The following NELL1 variants were observed in gnomAD, a reference collection of about 807,000 sequenced individuals.
NELL1 encodes protein kinase C-binding protein NELL1.
A neutral mutation model predicts 107.4 loss-of-function variants in NELL1; 76 were observed. The observed-to-expected ratio is 0.71, with a 90% CI of 0.59 to 0.86. The LOEUF (loss-of-function observed/expected upper bound fraction) is 0.86, where lower values mean the gene tolerates loss of function less well. NELL1 is among the 40% of genes least tolerant of loss of function. The probability of loss-of-function intolerance (pLI) is 0.00; values close to 1 mark genes in which losing one functional copy is unlikely to be tolerated. For synonymous variants in NELL1, 353 were observed against 341.2 expected, an observed-to-expected ratio of 1.03 and a Z score of -0.38; for missense variants, 1,024 against 1,005.5, an observed-to-expected ratio of 1.02 and a Z score of -0.25.
chr11:21,527,623 A>G (rs1855887351), intron 15 of NELL1, among the ~76,000 whole-genome samples: 1 of 152,218 alleles, frequency 6.6e-6, no homozygotes, highest in Admixed American at 6.5e-5. Flanking sequence ...ACAATAGGCC[A>G]TCTGCAAACT....
chr11:21,555,755 A>G (rs1856688997), intron 16 of NELL1, among the ~76,000 whole-genome samples: 1 of 151,940 alleles, frequency 6.6e-6, no homozygotes, highest in South Asian at 2.1e-4. Context: ...CTCTTCCTTT[A>G]GTCTTTGTCT....
At chr11:21,514,612 C>G (rs1855513251) in intron 15 of NELL1, among the ~76,000 whole-genome samples, 1 of 152,120 alleles carries the variant, frequency 6.6e-6, no homozygotes, top group Non-Finnish European at 1.5e-5. Context: ...GCCAGGCATC[C>G]AGATTCTTAA....
At chr11:20,991,703 A>T (rs1045267683) in intron 12 of NELL1, among the ~76,000 whole-genome samples, 2 of 152,178 alleles carry the variant, frequency 1.3e-5, no homozygotes, top group African/African-American at 4.8e-5. Context: ...CCTGGCGCTG[A>T]TCCTGCCTGC....
intron 14 of NELL1, among the ~76,000 whole-genome samples, chr11:21,231,728 AT>A (rs1858055529): frequency 6.6e-6 from 1 of 152,192 alleles, no homozygotes. Flanking sequence ...ATGAGTTTAA[AT>A]AATGTTCCTG....
intron 13 of NELL1, among the ~76,000 whole-genome samples, chr11:21,158,408 G>A (rs1425185238): frequency 6.6e-6 from 1 of 152,190 alleles, no homozygotes; most frequent in Admixed American, 6.5e-5. Flanking sequence ...CGTAATACAA[G>A]TTGTGAGGCT....
intron 12 of NELL1, among the ~76,000 whole-genome samples, chr11:21,053,019 C>A (rs960659045): frequency 2.0e-5 from 3 of 152,088 alleles, no homozygotes; most frequent in Non-Finnish European, 1.5e-5. Context: ...TTAGACCACC[C>A]ACTGAAGCAG....
chr11:20,857,639 C>G (rs529894741), intron 4 of NELL1, among the ~76,000 whole-genome samples: 1 of 152,338 alleles, frequency 6.6e-6, no homozygotes, highest in South Asian at 2.1e-4. Flanking sequence ...ATGGGTGTTT[C>G]TGACTGCACT....
intron 15 of NELL1, among the ~76,000 whole-genome samples, chr11:21,400,305 G>A (rs1283354972): frequency 6.6e-6 from 1 of 151,816 alleles, no homozygotes; most frequent in Non-Finnish European, 1.5e-5. Context: ...AGAATTAACT[G>A]TCACAGAAGC....
intron 12 of NELL1, among the ~76,000 whole-genome samples, chr11:21,001,521 C>A (rs1292164920): frequency 2.7e-5 from 4 of 150,932 alleles, no homozygotes; most frequent in South Asian, 2.1e-4. Context: ...AGGATCTGCA[C>A]CCCCACTGGA....
At chr11:21,016,855 C>G (rs1852576910) in intron 12 of NELL1, among the ~76,000 whole-genome samples, 1 of 152,066 alleles carries the variant, frequency 6.6e-6, no homozygotes, top group Non-Finnish European at 1.5e-5. Flanking sequence ...CTTCCCATAT[C>G]AACATAGTGG....
chr11:21,200,458 G>C (rs949920144), intron 13 of NELL1, among the ~76,000 whole-genome samples: 1 of 152,032 alleles, frequency 6.6e-6, no homozygotes, highest in Non-Finnish European at 1.5e-5. Context: ...AGAAGTGTCT[G>C]TTCATATCCT....
At chr11:21,326,275 T>G (rs2133677447) in intron 14 of NELL1, among the ~76,000 whole-genome samples, 1 of 151,730 alleles carries the variant, frequency 6.6e-6, no homozygotes, top group Admixed American at 6.6e-5. Context: ...CACTATTGGC[T>G]TATTGGCTGT....
intron 15 of NELL1, among the ~76,000 whole-genome samples, chr11:21,449,860 C>T (rs1338589308): frequency 6.6e-6 from 1 of 152,134 alleles, no homozygotes; most frequent in African/African-American, 2.4e-5. Flanking sequence ...CATCACTTGT[C>T]CCTATATAAG....
At chr11:21,390,510 A>AACACACACACACAC (rs60248049) in intron 15 of NELL1, among the ~76,000 whole-genome samples, 5 of 142,774 alleles carry the variant, frequency 3.5e-5, no homozygotes, top group South Asian at 4.6e-4. Context: ...TGTGTGGATG[A>AACACACACACACAC]ACACACACAC....
intron 11 of NELL1, among the ~76,000 whole-genome samples, chr11:20,959,510 A>G (rs967678048): frequency 1.3e-5 from 2 of 152,218 alleles, no homozygotes; most frequent in African/African-American, 4.8e-5. Context: ...AATTAGTGGC[A>G]TTCACAGCAA....
intron 12 of NELL1, among the ~76,000 whole-genome samples, chr11:21,076,665 C>T (rs1232603683): frequency 1.3e-5 from 2 of 152,138 alleles, no homozygotes; most frequent in Non-Finnish European, 2.9e-5. Context: ...ATTTGATCCC[C>T]AGTGTTGGAG....
At chr11:21,538,346 G>A in intron 16 of NELL1, among the ~76,000 whole-genome samples, 1 of 152,078 alleles carries the variant, frequency 6.6e-6, no homozygotes, top group South Asian at 2.1e-4. Context: ...ATGCTTGCAA[G>A]ATTTCTTATT....
chr11:21,443,241 C>G (rs1458114318), intron 15 of NELL1, among the ~76,000 whole-genome samples: 2 of 152,102 alleles, frequency 1.3e-5, no homozygotes, highest in African/African-American at 4.8e-5. Flanking sequence ...AATAACCAAC[C>G]ATTCCTGTGA....
At chr11:20,989,048 C>T (rs1178844935) in intron 12 of NELL1, among the ~76,000 whole-genome samples, 1 of 152,148 alleles carries the variant, frequency 6.6e-6, no homozygotes, top group Non-Finnish European at 1.5e-5. Context: ...ACAATAGTGT[C>T]CCTTGGTGGT....
Sources: gnomAD v4.1 joint callset for allele counts (sites outside exome capture counted in the v4.1 genomes callset) on GRCh38, gnomAD v4.1.1 for gene constraint, MANE v1.5 for transcripts, NCBI Gene and HGNC (gene_info 2026-07-23, HGNC 2026-07-21) for gene names.